MACROD2: variants seen among roughly 807,000 people sequenced by gnomAD.
The protein encoded by MACROD2 is mono-ADP ribosylhydrolase 2.
In MACROD2, 36 loss-of-function variants were observed where a neutral mutation model predicts 70.4. That is an observed-to-expected ratio of 0.51 (90% CI 0.39 to 0.68). MACROD2 has a LOEUF of 0.68. Among genes scored for constraint, MACROD2 ranks in the 30% least tolerant of loss-of-function variants. MACROD2 has a pLI of 0.00. For missense variants in MACROD2, 496 were observed against 538.4 expected, an observed-to-expected ratio of 0.92 and a Z score of 0.78; for synonymous variants, 172 against 178.8, an observed-to-expected ratio of 0.96 and a Z score of 0.30.
intron 6 of MACROD2, among the ~76,000 whole-genome samples, chr20:15,319,796 A>G (rs1240760255): frequency 6.6e-6 from 1 of 152,246 alleles, no homozygotes; most frequent in African/African-American, 2.4e-5. Flanking sequence ...TGAAATACTG[A>G]ACATGCTATA....
chr20:15,257,976 G>T (rs2077214327), intron 6 of MACROD2, among the ~76,000 whole-genome samples: 2 of 151,788 alleles, frequency 1.3e-5, no homozygotes, highest in South Asian at 4.2e-4. Context: ...TGATGATCCT[G>T]ACTTCTGTGT....
intron 15 of MACROD2, among the ~76,000 whole-genome samples, chr20:16,006,252 G>C (rs943315468): frequency 1.3e-5 from 2 of 152,138 alleles, no homozygotes; most frequent in African/African-American, 4.8e-5. Flanking sequence ...TCATCATCGG[G>C]TCAGTTGGTT....
rs547492800 is a variant in MACROD2, at chr20:15,051,791, C to A, written c.419-178149C>A. Among the ~76,000 whole-genome samples, 2 of 151,110 alleles carry A rather than the reference C, an allele frequency of 1.3e-5. 1 individual carries two copies. The highest frequency in any genetic ancestry group is 2.9e-5 in the Non-Finnish European group (2 of 67,830). Reference sequence around the variant, plus strand: ...TTTTGACGGAGTCTTTCTCTGTCCCCGCCAGGCTGGGGTGCAGTGACGCAA... The same window carrying A: ...TTTTGACGGAGTCTTTCTCTGTCCCAGCCAGGCTGGGGTGCAGTGACGCAA... On this transcript the variant is annotated intron_variant, in intron 5 of 17. Transcript: ENST00000684519.
intron 3 of MACROD2, among the ~76,000 whole-genome samples, chr20:14,344,954 T>C (rs951214923): frequency 6.6e-6 from 1 of 152,198 alleles, no homozygotes; most frequent in Non-Finnish European, 1.5e-5. Flanking sequence ...CGTGTAATCC[T>C]GTCCTCCCTT....
At chr20:15,795,468 G>C (rs887208077) in intron 8 of MACROD2, among the ~76,000 whole-genome samples, 15 of 151,936 alleles carry the variant, frequency 9.9e-5, no homozygotes, top group Admixed American at 3.3e-4. Flanking sequence ...GGAGTGGGAG[G>C]GTAGGCCATG....
intron 5 of MACROD2, among the ~76,000 whole-genome samples, chr20:14,707,828 T>C (rs2071288207): frequency 6.6e-6 from 1 of 152,212 alleles, no homozygotes; most frequent in African/African-American, 2.4e-5. Flanking sequence ...AGCAAATATT[T>C]AATTATCCAT....
At chr20:14,522,240 AGATAGGTCCTCAACATTAGCAG>A (rs35493596) in intron 4 of MACROD2, among the ~76,000 whole-genome samples, 24,054 of 152,180 alleles carry the variant, frequency 0.16, 2,164 homozygotes, top group Non-Finnish European at 0.2. Flanking sequence ...TAACACAGAT[AGATAGGTCCTCAACATTAGCAG>A]GTTGGGTAGT....
At chr20:14,973,443 A>C (rs955857867) in intron 5 of MACROD2, among the ~76,000 whole-genome samples, 2 of 151,920 alleles carry the variant, frequency 1.3e-5, no homozygotes, top group African/African-American at 4.8e-5. Flanking sequence ...GGCTGGTCTC[A>C]AACTCTCAAC....
intron 4 of MACROD2, among the ~76,000 whole-genome samples, chr20:14,531,244 G>T (rs1378884960): frequency 6.6e-6 from 1 of 152,122 alleles, no homozygotes; most frequent in Non-Finnish European, 1.5e-5. Context: ...GGTCTCTGCG[G>T]ATACAATTAA....
At chr20:15,045,974 C>A (rs2075391498) in intron 5 of MACROD2, among the ~76,000 whole-genome samples, 1 of 151,888 alleles carries the variant, frequency 6.6e-6, no homozygotes, top group South Asian at 2.1e-4. Context: ...TTCCTGTCAC[C>A]TCTTCAACAG....
At chr20:15,485,653 T>G (rs532392250) in intron 7 of MACROD2, among the ~76,000 whole-genome samples, 36 of 152,328 alleles carry the variant, frequency 2.4e-4, no homozygotes, top group African/African-American at 8.4e-4. Flanking sequence ...TTTCCTCCTT[T>G]AAAATTCTGT....
intron 5 of MACROD2, among the ~76,000 whole-genome samples, chr20:14,837,732 A>G (rs2073044897): frequency 6.6e-6 from 1 of 152,134 alleles, no homozygotes; most frequent in Non-Finnish European, 1.5e-5. Flanking sequence ...GACAAATTCT[A>G]ATGTTTTACA....
At position 15,230,066 on chromosome 20, in the gene MACROD2, G is replaced by T; in HGVS notation, c.540+5G>T. The T allele has an allele frequency of 6.2e-7, 1 of 1,611,334 alleles. No homozygotes were observed. On this transcript the variant is annotated splice_donor_5th_base_variant and intron_variant, in intron 6 of 17. Transcript: ENST00000684519. ...GAAAATAACATCCGATCAGTTGTAA[G>T]TAATTTTATGTTTTTTATTTCTCAC...
At chr20:14,906,759 C>T (rs1324952647) in intron 5 of MACROD2, among the ~76,000 whole-genome samples, 1 of 152,062 alleles carries the variant, frequency 6.6e-6, no homozygotes, top group African/African-American at 2.4e-5. Context: ...CATGTTATTT[C>T]TTTCGTAAGT....
At chr20:14,837,979 G>T (rs1334821618) in intron 5 of MACROD2, among the ~76,000 whole-genome samples, 1 of 150,938 alleles carries the variant, frequency 6.6e-6, no homozygotes, top group African/African-American at 2.4e-5. Context: ...ACAAACACAT[G>T]GAAACAAATG....
At chr20:15,185,082 T>C in intron 5 of MACROD2, among the ~76,000 whole-genome samples, 1 of 152,312 alleles carries the variant, frequency 6.6e-6, no homozygotes, top group South Asian at 2.1e-4. Flanking sequence ...ATGCACATCT[T>C]GTCTTGTTAC....
At chr20:14,832,279 T>C (rs1449822878) in intron 5 of MACROD2, among the ~76,000 whole-genome samples, 1 of 151,858 alleles carries the variant, frequency 6.6e-6, no homozygotes, top group Non-Finnish European at 1.5e-5. Context: ...TACTTGATCT[T>C]CACTGAATTG....
chr20:14,398,406 ATTT>A (rs71190136), intron 3 of MACROD2, among the ~76,000 whole-genome samples: 30 of 142,534 alleles, frequency 2.1e-4, no homozygotes, highest in Admixed American at 2.8e-4. Context: ...CCTTGCCAGC[ATTT>A]TTTTTTTTTT....
chr20:15,494,582 A>G (rs554405320), intron 7 of MACROD2, among the ~76,000 whole-genome samples: 2 of 152,316 alleles, frequency 1.3e-5, no homozygotes, highest in Admixed American at 1.3e-4. Context: ...AACACACATT[A>G]TATAATTCAT....
Sources: allele counts gnomAD v4.1 joint callset (sites outside exome capture counted in the v4.1 genomes callset), GRCh38; gene constraint gnomAD v4.1.1; transcripts MANE v1.5; gene names NCBI Gene and HGNC (gene_info 2026-07-23, HGNC 2026-07-21).